The following PRIM2 variants were observed in gnomAD, a reference collection of about 807,000 sequenced individuals.
PRIM2 encodes the protein DNA primase large subunit.
In PRIM2, 39 loss-of-function variants were observed where a neutral mutation model predicts 67.3. The ratio of observed to expected loss-of-function variants is 0.58; its 90% CI spans 0.45 to 0.76. The LOEUF (loss-of-function observed/expected upper bound fraction) is 0.76. Among genes scored for constraint, PRIM2 ranks in the 30% least tolerant of loss-of-function variants. The pLI is 0.00. For missense variants in PRIM2, 398 were observed against 598.7 expected, an observed-to-expected ratio of 0.66 and a Z score of 3.50; for synonymous variants, 143 against 198.7, an observed-to-expected ratio of 0.72 and a Z score of 2.36.
the PRIM2 span, among the ~76,000 whole-genome samples, chr6:57,244,323 C>T: frequency 6.6e-6 from 1 of 152,166 alleles, no homozygotes; most frequent in African/African-American, 2.4e-5. Context: ...GCAAACTGTT[C>T]ACTGGAATAA....
At chr6:57,527,980 T>C (rs1199287052) in intron 8 of PRIM2, among the ~76,000 whole-genome samples, 1 of 152,118 alleles carries the variant, frequency 6.6e-6, no homozygotes, top group African/African-American at 2.4e-5. Flanking sequence ...TTTTTTATTT[T>C]TGAGACAGGG....
intron 5 of PRIM2, among the ~76,000 whole-genome samples, chr6:57,373,382 A>C (rs1395605197): frequency 6.6e-6 from 1 of 151,010 alleles, no homozygotes; most frequent in Non-Finnish European, 1.5e-5. Context: ...GATTGCAAAA[A>C]TTTTCTCCCA....
chr6:57,362,170 G>A lies in PRIM2; in HGVS notation c.460-17731G>A, dbSNP rs547983297. Among the ~76,000 whole-genome samples the A allele has an allele frequency of 3.9e-5, 6 of 152,260 alleles. No homozygotes were observed. In the South Asian group the frequency reaches 1.0e-3, roughly 26 times the overall value. On this transcript the variant is annotated intron_variant, in intron 5 of 13. Coordinates refer to ENST00000615550, the MANE Select transcript of PRIM2 (RefSeq NM_000947.5). Reference sequence around the variant, plus strand: ...TTCAGTTACAAATATATATATTTGAGCATCTTTTAGAATAAACACCTCCCT... The same window carrying A: ...TTCAGTTACAAATATATATATTTGAACATCTTTTAGAATAAACACCTCCCT...
At chr6:57,468,024 G>A (rs1773246424) in intron 7 of PRIM2, among the ~76,000 whole-genome samples, 2 of 152,196 alleles carry the variant, frequency 1.3e-5, no homozygotes, top group South Asian at 4.1e-4. Context: ...GGAGATTTTG[G>A]GCTGAGATGA....
chr6:57,632,180 A>G lies in PRIM2; in HGVS notation c.1278A>G (p.Lys426=). The G allele has an allele frequency of 2.0e-6, 3 of 1,493,192 alleles. No homozygotes were observed. Among genetic ancestry groups the G allele is most frequent in the Non-Finnish European group, 9.0e-7 (1 of 1,114,752 alleles). The allele number at this position is 1,493,192 out of a possible 1,614,324, so 92.5% of individuals were successfully genotyped here. The change falls in exon 13 of 14, where the codon AAA becomes AAG. Residue 426 remains lysine, a synonymous_variant. Transcript: ENST00000615550. The stretch of plus-strand genomic sequence containing the variant: ...CACATTACCAGGTAGCCTGTCAAAA[A>G]TACTTTGAGATGATACACAATGTAA... ...KGTHYQVACQ[K]YFEMIHNVDD... is the part of the protein sequence containing the mutation.
intron 10 of PRIM2, among the ~76,000 whole-genome samples, chr6:57,575,143 G>T (rs1775939825): frequency 6.6e-6 from 1 of 152,090 alleles, no homozygotes; most frequent in African/African-American, 2.4e-5. Context: ...TCTCCTGGTG[G>T]ATAAACAATA....
intron 12 of PRIM2, among the ~76,000 whole-genome samples, chr6:57,617,914 G>A (rs1454390704): frequency 6.6e-6 from 1 of 152,194 alleles, no homozygotes; most frequent in Non-Finnish European, 1.5e-5. Flanking sequence ...GTTAATTTTT[G>A]TAGATGGTAT....
intron 10 of PRIM2, among the ~76,000 whole-genome samples, chr6:57,574,970 T>A (rs1775935416): frequency 6.6e-6 from 1 of 152,158 alleles, no homozygotes; most frequent in Admixed American, 6.5e-5. Flanking sequence ...GTATAGAACT[T>A]AACAAAATAG....
chr6:57,442,720 C>T (rs893652701), intron 7 of PRIM2, among the ~76,000 whole-genome samples: 1 of 151,976 alleles, frequency 6.6e-6, no homozygotes, highest in Non-Finnish European at 1.5e-5. Context: ...TTATGGGTCA[C>T]AAAGTTATGT....
At chr6:57,346,609 C>T (rs1448407455) in intron 5 of PRIM2, among the ~76,000 whole-genome samples, 2 of 152,162 alleles carry the variant, frequency 1.3e-5, no homozygotes, top group Non-Finnish European at 2.9e-5. Flanking sequence ...TGAGTCACCA[C>T]GCCCAGCCAT....
intron 8 of PRIM2, among the ~76,000 whole-genome samples, chr6:57,519,428 C>T (rs1291653418): frequency 6.6e-6 from 1 of 152,222 alleles, no homozygotes; most frequent in East Asian, 1.9e-4. Flanking sequence ...GGCCTACCCG[C>T]AGGCACGCAT....
chr6:57,456,792 A>T (rs1195206966), intron 7 of PRIM2, among the ~76,000 whole-genome samples: 2 of 151,990 alleles, frequency 1.3e-5, no homozygotes, highest in African/African-American at 4.8e-5. Flanking sequence ...TCAACTTGTC[A>T]AAGTCATTCT....
At chr6:57,400,484 G>T (rs1770671427) in intron 7 of PRIM2, among the ~76,000 whole-genome samples, 2 of 152,112 alleles carry the variant, frequency 1.3e-5, no homozygotes, top group African/African-American at 2.4e-5. Context: ...GCCTGATGGG[G>T]TTCCCTTTGT....
chr6:57,641,823 G>A (rs1401115158), intron 13 of PRIM2, among the ~76,000 whole-genome samples: 4 of 152,186 alleles, frequency 2.6e-5, no homozygotes, highest in African/African-American at 9.6e-5. Context: ...AGACAGTGTG[G>A]CGATTTCTCA....
chr6:57,328,702 T>G (rs1767954687), intron 5 of PRIM2, among the ~76,000 whole-genome samples: 2 of 152,212 alleles, frequency 1.3e-5, no homozygotes, highest in Non-Finnish European at 2.9e-5. Flanking sequence ...TGCTAGGTCA[T>G]AGGGTGATTC....
At chr6:57,400,220 CTT>C (rs1004839044) in intron 7 of PRIM2, among the ~76,000 whole-genome samples, 24 of 152,188 alleles carry the variant, frequency 1.6e-4, no homozygotes, top group African/African-American at 5.3e-4. Flanking sequence ...ATTTAAGTGT[CTT>C]TTTGTATTAG....
intron 7 of PRIM2, chr6:57,390,177 T>A (rs1475184253): frequency 6.5e-6 from 1 of 154,784 alleles, no homozygotes; most frequent in Non-Finnish European, 1.5e-5. Context: ...TTACTTTTAA[T>A]GGCAAAGACT....
At chr6:57,549,214 G>A (rs1775351588) in intron 10 of PRIM2, among the ~76,000 whole-genome samples, 1 of 152,192 alleles carries the variant, frequency 6.6e-6, no homozygotes, top group Non-Finnish European at 1.5e-5. Context: ...TTAGGGGTTA[G>A]CAAAGCAGGC....
chr6:57,597,026 T>G (rs1776379232), intron 10 of PRIM2, among the ~76,000 whole-genome samples: 1 of 151,206 alleles, frequency 6.6e-6, no homozygotes, highest in Non-Finnish European at 1.5e-5. Flanking sequence ...TTCATTCAAG[T>G]GAAGGTTATT....
Sources: allele counts gnomAD v4.1 joint callset (sites outside exome capture counted in the v4.1 genomes callset), GRCh38; gene constraint gnomAD v4.1.1; transcripts MANE v1.5; gene names NCBI Gene and HGNC (gene_info 2026-07-23, HGNC 2026-07-21).